KLB: variants seen among roughly 807,000 people sequenced by gnomAD.
The protein encoded by KLB is beta-klotho.
A neutral mutation model predicts 88.4 loss-of-function variants in KLB; 44 were observed. The observed-to-expected ratio is 0.50, with a 90% CI of 0.39 to 0.64. The LOEUF (loss-of-function observed/expected upper bound fraction) is 0.64, where lower values mean the gene tolerates loss of function less well. KLB is among the 30% of genes least tolerant of loss of function. The pLI, the probability that KLB is intolerant of heterozygous loss-of-function variation, is 0.00. For synonymous variants in KLB, 548 were observed against 513.4 expected, an observed-to-expected ratio of 1.07 and a Z score of -0.91; for missense variants, 1,137 against 1,304.8, an observed-to-expected ratio of 0.87 and a Z score of 1.98.
In KLB at chr4:39,407,045, C is replaced by A. The variant is rs755711134; in HGVS notation, c.96C>A (p.Asn32Lys). 1 of 1,613,888 alleles carries A rather than the reference C, an allele frequency of 6.2e-7. No individual in the cohort carries two copies. The highest frequency in any genetic ancestry group is 8.5e-7 in the Non-Finnish European group (1 of 1,179,822). Residue 32 changes from asparagine (N) to lysine (K), a missense_variant, in exon 1 of 5, where the codon AAC (asparagine) becomes AAA (lysine). Coordinates refer to ENST00000257408, the MANE Select transcript of KLB (RefSeq NM_175737.4). ...ITTRYRNTMS[N>K]GGLQRSVILS... ...CACGCTATAGGAATACAATGTCCAA[C>A]GGGGGATTGCAAAGATCTGTCATCC...
chr4:39,441,507 C>T (rs1469046027), intron 3 of KLB, among the ~76,000 whole-genome samples: 2 of 152,140 alleles, frequency 1.3e-5, no homozygotes, highest in African/African-American at 4.8e-5. Context: ...TCCTCAGATA[C>T]TGTGAATGTC....
rs760805165 is a variant in KLB at position 39,437,964 on chromosome 4, TCTC to T, written c.1577_1579del (p.Ser526del). 6.2e-7 allele frequency: 1 copy of T among 1,614,104 alleles called. No homozygotes were observed. Among genetic ancestry groups the T allele is most frequent in the Non-Finnish European group, 8.5e-7 (1 of 1,179,988 alleles). On this transcript the variant is annotated inframe_deletion, in exon 3 of 5. Coordinates refer to ENST00000257408, the MANE Select transcript of KLB (RefSeq NM_175737.4). ...GTGCAGGGCCAGTTTCCCTGTGACTTCTCCTGGGGTGTCACTGAATCTGTTCTT... is the reference window on the plus strand; with the variant it reads ...GTGCAGGGCCAGTTTCCCTGTGACTTCTGGGGTGTCACTGAATCTGTTCTT...
At chr4:39,442,263 G>A (rs1436657057) in intron 3 of KLB, among the ~76,000 whole-genome samples, 3 of 151,794 alleles carry the variant, frequency 2.0e-5, no homozygotes, top group Middle Eastern at 3.4e-3. Context: ...AAATTACTAA[G>A]CCTAACTTTG....
chr4:39,431,866 G>A (rs1743370194), intron 1 of KLB, among the ~76,000 whole-genome samples: 1 of 152,174 alleles, frequency 6.6e-6, no homozygotes, highest in South Asian at 2.1e-4. Flanking sequence ...CTACGTAAAA[G>A]GCAGTTTCAG....
intron 1 of KLB, among the ~76,000 whole-genome samples, chr4:39,433,624 C>T (rs1361886395): frequency 6.6e-6 from 1 of 152,110 alleles, no homozygotes; most frequent in Non-Finnish European, 1.5e-5. Flanking sequence ...CTTTGGGAGG[C>T]CGAGGAGGGT....
chr4:39,434,649 A>C lies in KLB; in HGVS notation c.1265A>C (p.Asp422Ala). ...ATTGCTGAGAATGGCTGGTTCACAG[A>C]CAGTCGTGTGAAAACAGAAGACACC... ...ILIAENGWFTDSRVKTEDTTA... is the reference protein window; with the variant it reads ...ILIAENGWFTASRVKTEDTTA... The change falls in exon 2 of 5, where the codon GAC (aspartate) becomes GCC (alanine). Residue 422 changes from aspartate (D) to alanine (A), a missense_variant. By Grantham distance (126) the Asp-to-Ala change is moderately radical (BLOSUM62 -2). Around this residue, in one of 4 missense-constraint regions of KLB, gnomAD observed 597 missense variants for 765.2 expected, o/e 0.78. Transcript: ENST00000257408. The C allele has an allele frequency of 6.2e-7, 1 of 1,613,748 alleles. No homozygotes were observed. The highest frequency in any genetic ancestry group is 8.5e-7 in the Non-Finnish European group (1 of 1,179,610).
chr4:39,447,593 C>T (rs1371235781), intron 4 of KLB, 118 bp downstream of exon 4: 3 of 819,872 alleles, frequency 3.7e-6, no homozygotes, highest in Non-Finnish European at 5.4e-6. Context: ...CACCCAAGTC[C>T]TGTCAATTGA....
chr4:39,438,101 A>C, intron 3 of KLB, 106 bp downstream of exon 3: 2 of 1,004,430 alleles, frequency 2.0e-6, no homozygotes, highest in South Asian at 1.7e-5. Flanking sequence ...ATCAAATACC[A>C]CAATTGTATG....
rs1399846436 is a variant in KLB at position 39,446,963 on chromosome 4, G to A, written c.2237G>A (p.Trp746Ter). The change falls in exon 4 of 5, where the codon TGG becomes TAG. Residue 746 changes from tryptophan (W) to a stop codon, truncating the protein, a stop_gained. Coordinates refer to ENST00000257408, the MANE Select transcript of KLB (RefSeq NM_175737.4). LOFTEE classifies it high-confidence loss of function. The surrounding 1 kb of genome is among the most constrained non-coding windows in gnomAD (Gnocchi z 6.4). ...GTGTCGCTGTCGCTGCACGCGGACT[G>A]GGCGGAACCCGCCAACCCCTATGCT... ...GAVSLSLHAD[W>*]AEPANPYADS... is the part of the protein sequence containing the mutation. 2 of 1,607,046 alleles carry A rather than the reference G, an allele frequency of 1.2e-6. No homozygotes were observed. Among genetic ancestry groups the A allele is most frequent in the South Asian group, 1.1e-5 (1 of 91,020 alleles).
chr4:39,411,523 C>CT (rs1395418640), intron 1 of KLB, among the ~76,000 whole-genome samples: 4 of 141,472 alleles, frequency 2.8e-5, no homozygotes, highest in African/African-American at 1.1e-4. Context: ...TTGGCTTGGC[C>CT]ATTTTTTTTT....
At position 39,416,972 on chromosome 4, in the gene KLB, C is replaced by G. The variant is rs553868951; in HGVS notation, c.825+9198C>G. On this transcript the variant is annotated intron_variant, in intron 1 of 4. Coordinates refer to ENST00000257408, the MANE Select transcript of KLB (RefSeq NM_175737.4). ...AGACTCTTTTGCCCAAATCCCCCAC[C>G]AATGTCTTGAAGATTAAGTGTAATA... 1.5e-4 allele frequency among the ~76,000 whole-genome samples: 23 copies of G among 152,172 alleles called. No individual in the cohort carries two copies. In the South Asian group the frequency reaches 3.3e-3, roughly 22 times the overall value.
chr4:39,421,030 C>A (rs991994385), intron 1 of KLB, among the ~76,000 whole-genome samples: 1 of 152,036 alleles, frequency 6.6e-6, no homozygotes, highest in Non-Finnish European at 1.5e-5. Context: ...ATTTTTGAAT[C>A]GTATTATTAC....
intron 3 of KLB, among the ~76,000 whole-genome samples, chr4:39,443,250 C>T (rs1458578115): frequency 1.3e-5 from 2 of 151,958 alleles, no homozygotes; most frequent in Non-Finnish European, 2.9e-5. Flanking sequence ...TGGCTAGGCA[C>T]ACTTGTTCAC....
intron 2 of KLB, among the ~76,000 whole-genome samples, chr4:39,435,372 C>T (rs550821563): frequency 6.6e-6 from 1 of 152,250 alleles, no homozygotes; most frequent in South Asian, 2.1e-4. Flanking sequence ...CTCGCCTCGG[C>T]CTCCCAAAGC....
intron 1 of KLB, among the ~76,000 whole-genome samples, chr4:39,413,758 T>C (rs1365736842): frequency 6.6e-6 from 1 of 151,506 alleles, no homozygotes; most frequent in Non-Finnish European, 1.5e-5. Flanking sequence ...TAAAATAAAA[T>C]AAAACAAAAA....
chr4:39,414,607 A>C (rs1268434313), intron 1 of KLB, among the ~76,000 whole-genome samples: 1 of 151,992 alleles, frequency 6.6e-6, no homozygotes, highest in East Asian at 1.9e-4. Flanking sequence ...GTGGTGGCTC[A>C]CACCTGTAAT....
intron 1 of KLB, among the ~76,000 whole-genome samples, chr4:39,428,347 C>T (rs375486828): frequency 6.6e-6 from 1 of 151,174 alleles, no homozygotes; most frequent in South Asian, 2.1e-4. Context: ...AGAATCGCTT[C>T]AACCCAGGAG....
intron 2 of KLB, among the ~76,000 whole-genome samples, chr4:39,436,310 G>T (rs1287968336): frequency 6.6e-6 from 1 of 152,152 alleles, no homozygotes; most frequent in Non-Finnish European, 1.5e-5. Context: ...GCCGCCCCAA[G>T]TTGCAGGAAG....
chr4:39,414,871 G>GAAAA (rs1009834880), intron 1 of KLB, among the ~76,000 whole-genome samples: 1 of 50,300 alleles, frequency 2.0e-5, no homozygotes, highest in Admixed American at 2.3e-4. Flanking sequence ...TCTGTCTCAG[G>GAAAA]AAAAAAAAAA....
Sources: gnomAD v4.1 joint callset for allele counts (sites outside exome capture counted in the v4.1 genomes callset) on GRCh38, gnomAD v4.1.1 for gene constraint, gnomAD v4.1.1 regional missense constraint, Gnocchi (gnomAD v3.1) non-coding constraint, MANE v1.5 for transcripts, NCBI Gene and HGNC (gene_info 2026-07-23, HGNC 2026-07-21) for gene names.